Variants in PABPC1L observed in about 807,000 individuals in gnomAD.
PABPC1L encodes the protein poly(A) binding protein cytoplasmic 1 like.
PABPC1L carries 31 observed loss-of-function variants against 66.6 expected under a neutral mutation model. The observed-to-expected ratio is 0.47, with a 90% CI of 0.35 to 0.63. The LOEUF is 0.63. PABPC1L is among the 20% of genes least tolerant of loss of function. The pLI, the probability that PABPC1L is intolerant of heterozygous loss-of-function variation, is 0.00. For missense variants in PABPC1L, 722 were observed against 848.8 expected (o/e 0.85, Z 1.86); for synonymous variants, 348 against 335.1 (o/e 1.04, Z -0.42).
At position 44,910,118 on chromosome 20, in the gene PABPC1L, C is replaced by T. The variant is rs775531031; in HGVS notation, c.-26C>T. On this transcript the variant is annotated 5_prime_UTR_variant, in exon 1 of 15. Coordinates refer to ENST00000217073, the MANE Select transcript of PABPC1L (RefSeq NM_001372179.1). ...GCTGGGTGACCCGGCTCCTGCTTGC[C>T]CCGCAGCCCCGGCCCCCTGCCCACC... is the stretch of plus-strand genomic sequence containing the variant. 5.2e-6 allele frequency: 8 copies of T among 1,532,362 alleles called. No homozygotes were observed. Among genetic ancestry groups the T allele is most frequent in the Non-Finnish European group, 5.3e-6 (6 of 1,136,060 alleles). The allele number at this position is 1,532,362 out of a possible 1,614,324, so 94.9% of individuals were successfully genotyped here.
intron 5 of PABPC1L, 85 bp downstream of exon 5, chr20:44,919,362 A>G: frequency 6.3e-6 from 9 of 1,428,076 alleles, no homozygotes; most frequent in Non-Finnish European, 8.7e-6. Context: ...GTGGAGGGGA[A>G]GAAAGTCCCT....
chr20:44,912,592 A>G (rs1246930732), intron 1 of PABPC1L, 68 bp from the exon 2 acceptor site: 1 of 1,390,520 alleles, frequency 7.2e-7, no homozygotes, highest in Non-Finnish European at 9.9e-7. Flanking sequence ...AAGCACCTCG[A>G]GGGGTGGGTG....
chr20:44,921,694 T>C lies in PABPC1L; in HGVS notation c.839T>C (p.Phe280Ser), dbSNP rs1248375422. Reference sequence around the variant, plus strand: ...CGGCAGAATGAACTGAAGCGCAGGTTTGAGCAGATGAAGCAGGACCGGCTG... The same window carrying C: ...CGGCAGAATGAACTGAAGCGCAGGTCTGAGCAGATGAAGCAGGACCGGCTG... ...VERQNELKRR[F>S]EQMKQDRLRR... Residue 280 changes from phenylalanine to serine, a missense_variant, in exon 6 of 15, where the codon TTT becomes TCT. Around this residue, in one of 3 missense-constraint regions of PABPC1L, gnomAD observed 137 missense variants for 216.8 expected, o/e 0.63. Transcript: ENST00000217073. The C allele has an allele frequency of 6.2e-7, 1 of 1,613,678 alleles. No homozygotes were observed. The highest frequency in any genetic ancestry group is 1.3e-5 in the African/African-American group (1 of 74,902).
At chr20:44,929,976 G>A (rs2066838643) in intron 7 of PABPC1L, among the ~76,000 whole-genome samples, 1 of 152,156 alleles carries the variant, frequency 6.6e-6, no homozygotes, top group Non-Finnish European at 1.5e-5. Context: ...CCAGAACAAT[G>A]TGTTGGGTTG....
intron 8 of PABPC1L, chr20:44,931,956 G>C (rs998066780): frequency 6.3e-6 from 1 of 159,014 alleles, no homozygotes; most frequent in African/African-American, 2.4e-5. Context: ...GTTCTGAGGA[G>C]CATGGTTTGG....
intron 2 of PABPC1L, among the ~76,000 whole-genome samples, chr20:44,916,136 T>C (rs2066736202): frequency 6.6e-6 from 1 of 152,214 alleles, no homozygotes; most frequent in South Asian, 2.1e-4. Flanking sequence ...AGTTTGCTGA[T>C]AGAAACAAGG....
At chr20:44,922,237 G>A (rs995071595) in intron 6 of PABPC1L, among the ~76,000 whole-genome samples, 5 of 152,126 alleles carry the variant, frequency 3.3e-5, no homozygotes, top group Non-Finnish European at 5.9e-5. Context: ...ACCCCTCTAA[G>A]ATTTTATTTA....
At chr20:44,934,598 G>C (rs892454342) in intron 10 of PABPC1L, among the ~76,000 whole-genome samples, 2 of 152,152 alleles carry the variant, frequency 1.3e-5, no homozygotes, top group African/African-American at 4.8e-5. Flanking sequence ...TCTTTTTGTG[G>C]CTAGTTTTTT....
chr20:44,928,234 C>A (rs988070433), intron 7 of PABPC1L, among the ~76,000 whole-genome samples: 5 of 151,914 alleles, frequency 3.3e-5, no homozygotes, highest in African/African-American at 1.2e-4. Flanking sequence ...CCATAACCAG[C>A]TAATTTTTGT....
At chr20:44,915,539 C>T (rs190145021) in intron 2 of PABPC1L, among the ~76,000 whole-genome samples, 3 of 152,046 alleles carry the variant, frequency 2.0e-5, no homozygotes, top group East Asian at 1.9e-4. Flanking sequence ...GGCTCATGCT[C>T]CTAATCCCAG....
intron 12 of PABPC1L, chr20:44,937,854 C>T: frequency 3.1e-6 from 2 of 640,234 alleles, no homozygotes; most frequent in Non-Finnish European, 5.1e-6. Context: ...GCCCTGGACA[C>T]ATTGCTGAGA....
rs1312344674 is a variant in PABPC1L, at chr20:44,919,408, G to T, written c.738+131G>T. On this transcript the variant is annotated intron_variant, in intron 5 of 14. Transcript: ENST00000217073. Reference sequence around the variant, plus strand: ...AGCCAAGAGGGTGGGAGAGTCCTGTGTGCAGGCAAAGCCCTTCCTTCTGTG... The same window carrying T: ...AGCCAAGAGGGTGGGAGAGTCCTGTTTGCAGGCAAAGCCCTTCCTTCTGTG... 4 of 979,920 alleles carry T rather than the reference G, an allele frequency of 4.1e-6. No homozygotes were observed. The African/African-American group carries it at 4.9e-5, about 12-fold the overall frequency. The allele number at this position is 979,920 out of a possible 1,614,324, so 60.7% of individuals were successfully genotyped here.
chr20:44,925,492 G>A (rs2066803575), intron 7 of PABPC1L, among the ~76,000 whole-genome samples: 1 of 152,174 alleles, frequency 6.6e-6, no homozygotes, highest in Admixed American at 6.5e-5. Flanking sequence ...TAGCAGCAGT[G>A]TTTGACTTGG....
rs763358380 is a variant in PABPC1L, at chr20:44,910,263, C to T, written c.120C>T (p.Ile40=). 1 of 1,556,976 alleles carries T rather than the reference C, an allele frequency of 6.4e-7. No individual in the cohort carries two copies. The highest frequency in any genetic ancestry group is 2.4e-5 in the East Asian group (1 of 40,878). Residue 40 remains isoleucine (I), a synonymous_variant, in exon 1 of 15, where the codon ATC becomes ATT. Transcript: ENST00000217073. ...KFSPAGPILS[I]RVCRDVATRR... ...CTCCCGCCGGCCCCATCCTGTCCAT[C>T]CGCGTGTGCCGCGATGTAGCCACCC... is the stretch of plus-strand genomic sequence containing the variant.
At position 44,912,737 on chromosome 20, in the gene PABPC1L, C is replaced by T; in HGVS notation, c.271C>T (p.Pro91Ser). Residue 91 changes from proline (P) to serine (S), a missense_variant, in exon 2 of 15, where the codon CCA becomes TCA. Coordinates refer to ENST00000217073, the MANE Select transcript of PABPC1L (RefSeq NM_001372179.1). The stretch of plus-strand genomic sequence containing the variant: ...TCGCATCATGTGGTCCCAGCGAGAC[C>T]CAGGACTTCGCAAGTCAGGTGTGGG... ...PIRIMWSQRD[P>S]GLRKSGVGNI... The T allele has an allele frequency of 1.2e-6, 2 of 1,614,154 alleles. No homozygotes were observed. Among genetic ancestry groups the T allele is most frequent in the Non-Finnish European group, 1.7e-6 (2 of 1,180,006 alleles).
At chr20:44,929,743 C>T (rs1011315748) in intron 7 of PABPC1L, among the ~76,000 whole-genome samples, 10 of 149,952 alleles carry the variant, frequency 6.7e-5, no homozygotes, top group African/African-American at 2.0e-4. Flanking sequence ...TGCAGTTAGC[C>T]GAGATCGTGC....
rs1453009480 is a variant in PABPC1L at position 44,910,241 on chromosome 20, C to T, written c.98C>T (p.Pro33Leu). The part of the protein sequence containing the change: ...TEAMLYEKFS[P>L]AGPILSIRVC... ...GCCATGCTCTATGAGAAGTTCTCTCCCGCCGGCCCCATCCTGTCCATCCGC... is the reference window on the plus strand; with the variant it reads ...GCCATGCTCTATGAGAAGTTCTCTCTCGCCGGCCCCATCCTGTCCATCCGC... The change falls in exon 1 of 15, where the codon CCC (proline) becomes CTC (leucine). Residue 33 changes from proline to leucine, a missense_variant. This residue lies in a region of PABPC1L where 284 missense variants were observed against 294.8 expected (regional missense o/e 0.96). Coordinates refer to ENST00000217073, the MANE Select transcript of PABPC1L (RefSeq NM_001372179.1). 1.9e-6 allele frequency: 3 copies of T among 1,568,880 alleles called. No individual in the cohort carries two copies. The Admixed American group carries it at 5.6e-5, about 29-fold the overall frequency.
intron 6 of PABPC1L, among the ~76,000 whole-genome samples, chr20:44,922,595 T>TC (rs1231982426): frequency 6.6e-6 from 1 of 152,168 alleles, no homozygotes; most frequent in African/African-American, 2.4e-5. Context: ...GGTCTCGAAC[T>TC]CCTGACCTTA....
chr20:44,921,227 G>A (rs766982005), intron 5 of PABPC1L, among the ~76,000 whole-genome samples: 48 of 148,710 alleles, frequency 3.2e-4, no homozygotes, highest in Non-Finnish European at 5.8e-4. Context: ...TCAGCTCACC[G>A]CAACCTCCAC....
Sources: gnomAD v4.1 joint callset for allele counts (sites outside exome capture counted in the v4.1 genomes callset) on GRCh38, gnomAD v4.1.1 for gene constraint, gnomAD v4.1.1 regional missense constraint, MANE v1.5 for transcripts, NCBI Gene and HGNC (gene_info 2026-07-23, HGNC 2026-07-21) for gene names.